The following TCF20 variants were observed in gnomAD, a reference collection of about 807,000 sequenced individuals.
TCF20 encodes the protein SPRE-binding protein.
TCF20 carries 3 observed loss-of-function variants against 148.6 expected under a neutral mutation model. The ratio of observed to expected loss-of-function variants is 0.02; its 90% CI spans 0.01 to 0.05. The LOEUF is 0.05. Ranked by LOEUF, TCF20 falls within the 10% of genes least tolerant of loss-of-function variation. TCF20 has a pLI of 1.00. For synonymous variants in TCF20, 1,049 were observed against 909.5 expected, an observed-to-expected ratio of 1.15 and a Z score of -2.76; for missense variants, 2,350 against 2,429.3, an observed-to-expected ratio of 0.97 and a Z score of 0.69.
chr22:42,200,439 G>C (rs555027686), intron 2 of TCF20, among the ~76,000 whole-genome samples: 1 of 151,968 alleles, frequency 6.6e-6, no homozygotes, highest in Admixed American at 6.6e-5. Flanking sequence ...TCAGGAGTTC[G>C]AGGCCAGCCT....
At chr22:42,179,574 G>C (rs1241918517) in intron 3 of TCF20, 35 bp downstream of exon 3, 3 of 1,445,422 alleles carry the variant, frequency 2.1e-6, no homozygotes, top group East Asian at 4.6e-5. Context: ...TAATCCTTTG[G>C]ATGCTCTGGA....
intron 1 of TCF20, among the ~76,000 whole-genome samples, chr22:42,239,601 AAC>A (rs1924213671): frequency 6.6e-6 from 1 of 152,144 alleles, no homozygotes; most frequent in African/African-American, 2.4e-5. Flanking sequence ...CAGTCTGGCC[AAC>A]ACAGTGAAAC....
chr22:42,215,116 C>T lies in TCF20; in HGVS notation c.190G>A (p.Ala64Thr), dbSNP rs1297133757. ...TCGCTAGCCATCGCTGCCGCAGCAG[C>T]TGCTGCTCCTCGTCGTCCACCACCA... ...GSGGGRRGAA[A>T]AAAAMASETS... Residue 64 changes from alanine (A) to threonine (T), a missense_variant, in exon 2 of 6, where the codon GCT becomes ACT. Physicochemically the swap from Ala to Thr is moderately conservative, Grantham distance 58. Transcript: ENST00000677622. The T allele has an allele frequency of 6.2e-7, 1 of 1,614,212 alleles. No individual in the cohort carries two copies. The highest frequency in any genetic ancestry group is 1.7e-5 in the Admixed American group (1 of 60,028).
intron 1 of TCF20, among the ~76,000 whole-genome samples, chr22:42,233,781 A>G (rs1198372164): frequency 6.6e-6 from 1 of 152,166 alleles, no homozygotes; most frequent in African/African-American, 2.4e-5. Flanking sequence ...GGGTTTCCAT[A>G]ATCCCTACCT....
At chr22:42,328,579 C>T (rs1344772695) in intron 1 of TCF20, among the ~76,000 whole-genome samples, 1 of 152,334 alleles carries the variant, frequency 6.6e-6, no homozygotes, top group African/African-American at 2.4e-5. Flanking sequence ...GATCAAATGC[C>T]AGCTCACCTA....
chr22:42,205,125 C>T (rs888351473), intron 2 of TCF20, among the ~76,000 whole-genome samples: 3 of 152,192 alleles, frequency 2.0e-5, no homozygotes, highest in African/African-American at 7.2e-5. Context: ...AAGTTATATC[C>T]ATACCCATTC....
rs1196297754 is a variant in TCF20, at chr22:42,211,064, CGA to C, written c.4240_4241del (p.Ser1414GlyfsTer29). ...DIEKRKGEVASDLVSPANQEL... is the reference protein window; with the variant it reads ...DIEKRKGEVAXDLVSPANQEL... ...CCTGGTTTGCTGGACTGACTAGGTC[CGA>C]AGCCACCTCACCTTTTCTCTTCTCT... On this transcript the variant is annotated frameshift_variant, in exon 2 of 6. Transcript: ENST00000677622. LOFTEE classifies it high-confidence loss of function. 6.2e-7 allele frequency: 1 copy of C among 1,613,974 alleles called. No individual in the cohort carries two copies. The highest frequency in any genetic ancestry group is 1.3e-5 in the African/African-American group (1 of 74,894).
At chr22:42,280,324 C>A (rs1409423466) in intron 1 of TCF20, among the ~76,000 whole-genome samples, 1 of 152,200 alleles carries the variant, frequency 6.6e-6, no homozygotes, top group African/African-American at 2.4e-5. Flanking sequence ...GTGTAGGTGA[C>A]TCCGCCACGT....
At chr22:42,208,583 A>T (rs1050043606) in intron 2 of TCF20, among the ~76,000 whole-genome samples, 3 of 152,176 alleles carry the variant, frequency 2.0e-5, no homozygotes, top group Non-Finnish European at 4.4e-5. Flanking sequence ...AGCCTGAGTG[A>T]CAACAAAACA....
At position 42,213,300 on chromosome 22, in the gene TCF20, C is replaced by T. The variant is rs1921233258; in HGVS notation, c.2006G>A (p.Gly669Asp). 1 of 1,614,058 alleles carries T rather than the reference C, an allele frequency of 6.2e-7. No individual in the cohort carries two copies. Among genetic ancestry groups the T allele is most frequent in the Admixed American group, 1.7e-5 (1 of 60,002 alleles). Residue 669 changes from glycine to aspartate, a missense_variant, in exon 2 of 6, where the codon GGC (glycine) becomes GAC (aspartate). This residue lies in a region of TCF20 where 1,641 missense variants were observed against 1,662.6 expected (regional missense o/e 0.99). Transcript: ENST00000677622. ...TCCATTATGGTTGGAGTTGTTATCG[C>T]CATTCTTGTTTCCTTTGCTCCCTCC... Reference protein sequence around the residue: ...GGGGSKGNKNGDNNSNHNGEG... With the variant: ...GGGGSKGNKNDDNNSNHNGEG...
intron 1 of TCF20, among the ~76,000 whole-genome samples, chr22:42,267,435 G>A (rs1926348573): frequency 6.6e-6 from 1 of 152,182 alleles, no homozygotes; most frequent in African/African-American, 2.4e-5. Flanking sequence ...GGGCATGGTG[G>A]CTCATACCTG....
At chr22:42,322,495 C>T (rs1314913360) in intron 1 of TCF20, among the ~76,000 whole-genome samples, 3 of 151,798 alleles carry the variant, frequency 2.0e-5, no homozygotes, top group Non-Finnish European at 2.9e-5. Flanking sequence ...GAGGAGCTCC[C>T]GTGGAGGAGG....
intron 1 of TCF20, among the ~76,000 whole-genome samples, chr22:42,246,678 G>A (rs972590691): frequency 6.6e-6 from 1 of 152,158 alleles, no homozygotes; most frequent in Non-Finnish European, 1.5e-5. Flanking sequence ...ATTTAGAAAG[G>A]TATAATAGGC....
Position 42,213,756 on chromosome 22 carries a change from T to C in TCF20, c.1550A>G (p.Glu517Gly). 6.2e-7 allele frequency: 1 copy of C among 1,614,156 alleles called. No individual in the cohort carries two copies. The highest frequency in any genetic ancestry group is 8.5e-7 in the Non-Finnish European group (1 of 1,180,030). ...GCTGGAGCAGCCTCCATCTAATGAC[T>C]CTGCCATAGGGGACTTCAGCTGTTC... ...PEEQLKSPMA[E>G]SLDGGCSSSS... Residue 517 changes from glutamate to glycine, a missense_variant, in exon 2 of 6, where the codon GAG becomes GGG. Glu to Gly is a moderately conservative substitution (Grantham distance 98). Coordinates refer to ENST00000677622, the MANE Select transcript of TCF20 (RefSeq NM_001378418.1).
At chr22:42,201,706 T>C (rs1938034393) in intron 2 of TCF20, among the ~76,000 whole-genome samples, 1 of 152,006 alleles carries the variant, frequency 6.6e-6, no homozygotes, top group African/African-American at 2.4e-5. Flanking sequence ...AGGCGAAGGT[T>C]TCAGTGAGCC....
intron 1 of TCF20, among the ~76,000 whole-genome samples, chr22:42,243,310 A>AAAAAAAAAAAAAAAACAAAAAAC (rs1569180401): frequency 7.1e-6 from 1 of 140,864 alleles, no homozygotes; most frequent in African/African-American, 3.0e-5. Context: ...AAAAAAAAAA[A>AAAAAAAAAAAAAAAACAAAAAAC]AAAAAAAAAA....
intron 1 of TCF20, among the ~76,000 whole-genome samples, chr22:42,260,155 G>A (rs535368923): frequency 6.6e-6 from 1 of 152,112 alleles, no homozygotes; most frequent in Non-Finnish European, 1.5e-5. Flanking sequence ...GAAGCAGAGT[G>A]TTCCAGACAC....
At chr22:42,194,006 T>C (rs1374746160) in intron 2 of TCF20, among the ~76,000 whole-genome samples, 3 of 152,088 alleles carry the variant, frequency 2.0e-5, no homozygotes, top group Non-Finnish European at 4.4e-5. Flanking sequence ...ATTATTGAAA[T>C]TGTCTGAAAA....
chr22:42,306,171 G>C (rs964643222), intron 1 of TCF20, among the ~76,000 whole-genome samples: 4 of 152,266 alleles, frequency 2.6e-5, no homozygotes, highest in African/African-American at 9.6e-5. Flanking sequence ...CGGAGACGGA[G>C]CCGCTGTGCG....
Sources: allele counts gnomAD v4.1 joint callset (sites outside exome capture counted in the v4.1 genomes callset), GRCh38; gene constraint gnomAD v4.1.1; regional missense constraint gnomAD v4.1.1; transcripts MANE v1.5; gene names NCBI Gene and HGNC (gene_info 2026-07-23, HGNC 2026-07-21).